The following ADAMTSL1 variants were observed in gnomAD, a reference collection of about 807,000 sequenced individuals.
ADAMTSL1 encodes ADAMTS like 1.
In ADAMTSL1, 126 loss-of-function variants were observed where a neutral mutation model predicts 201.8. The ratio of observed to expected loss-of-function variants is 0.62; its 90% CI spans 0.54 to 0.72. The LOEUF (loss-of-function observed/expected upper bound fraction) is 0.72. Among genes scored for constraint, ADAMTSL1 ranks in the 30% least tolerant of loss-of-function variants. The pLI is 0.00. For missense variants in ADAMTSL1, 2,679 were observed against 2,277.8 expected, an observed-to-expected ratio of 1.18 and a Z score of -3.59; for synonymous variants, 1,121 against 903.4, an observed-to-expected ratio of 1.24 and a Z score of -4.32.
intron 23 of ADAMTSL1, among the ~76,000 whole-genome samples, chr9:18,869,325 C>A (rs1323597360): frequency 6.6e-6 from 1 of 152,214 alleles, no homozygotes; most frequent in African/African-American, 2.4e-5. Context: ...ATTATGGCAA[C>A]CCTAGAAAAC....
intron 23 of ADAMTSL1, among the ~76,000 whole-genome samples, chr9:18,847,536 G>T (rs924757408): frequency 6.6e-6 from 1 of 152,246 alleles, no homozygotes; most frequent in African/African-American, 2.4e-5. Context: ...AGGGAGAGGT[G>T]GTGCCTATGT....
chr9:18,626,901 T>TCC (rs1826415677), intron 5 of ADAMTSL1, among the ~76,000 whole-genome samples: 1 of 150,502 alleles, frequency 6.6e-6, no homozygotes, highest in African/African-American at 2.5e-5. Flanking sequence ...CTTCCTTCCT[T>TCC]TCTTTCTTTT....
intron 1 of ADAMTSL1, among the ~76,000 whole-genome samples, chr9:17,999,996 G>A (rs1426768533): frequency 6.9e-6 from 1 of 145,116 alleles, no homozygotes; most frequent in Non-Finnish European, 1.5e-5. Flanking sequence ...TCTTAATCCA[G>A]TCTATCATTG....
intron 4 of ADAMTSL1, among the ~76,000 whole-genome samples, chr9:18,603,456 C>G (rs1257943980): frequency 6.6e-6 from 1 of 151,968 alleles, no homozygotes; most frequent in Non-Finnish European, 1.5e-5. Context: ...TTGTTGGGTC[C>G]ATATATGTCT....
chr9:18,000,910 T>G (rs1819586431), intron 1 of ADAMTSL1, among the ~76,000 whole-genome samples: 1 of 152,004 alleles, frequency 6.6e-6, no homozygotes, highest in East Asian at 1.9e-4. Context: ...TTTCAAAACT[T>G]CAGTTCCAGG....
At chr9:18,541,376 G>T (rs1768136390) in intron 3 of ADAMTSL1, among the ~76,000 whole-genome samples, 3 of 152,076 alleles carry the variant, frequency 2.0e-5, no homozygotes, top group South Asian at 4.1e-4. Context: ...TTGATGTTGT[G>T]GTGGGCACCT....
chr9:18,473,966 C>T, upstream of ADAMTSL1: 1 of 436,126 alleles, frequency 2.3e-6, no homozygotes, highest in Non-Finnish European at 4.1e-6. Flanking sequence ...CGCACCGTTA[C>T]ACTTTCTCTG....
intron 15 of ADAMTSL1, among the ~76,000 whole-genome samples, chr9:18,724,642 A>G (rs752224989): frequency 4.6e-5 from 7 of 152,166 alleles, no homozygotes; most frequent in Non-Finnish European, 7.3e-5. Context: ...CCTCCTTTCT[A>G]TATTTCTGAC....
intron 2 of ADAMTSL1, among the ~76,000 whole-genome samples, chr9:18,446,119 G>A (rs13297951): frequency 0.02 from 3,032 of 152,172 alleles, 40 homozygotes; most frequent in Non-Finnish European, 0.029. Flanking sequence ...TAGCTCAATT[G>A]TGCGATTACC....
chr9:18,087,937 A>G (rs1401013267), intron 1 of ADAMTSL1, among the ~76,000 whole-genome samples: 1 of 152,240 alleles, frequency 6.6e-6, no homozygotes, highest in East Asian at 1.9e-4. Flanking sequence ...CACACCTGAT[A>G]TCTTTGGGCC....
intron 1 of ADAMTSL1, among the ~76,000 whole-genome samples, chr9:18,104,758 AT>A (rs1350075732): frequency 6.6e-6 from 1 of 152,176 alleles, no homozygotes; most frequent in Non-Finnish European, 1.5e-5. Flanking sequence ...AATAACAATA[AT>A]TTTAAAAGAG....
intron 2 of ADAMTSL1, among the ~76,000 whole-genome samples, chr9:18,203,282 C>T (rs1279796600): frequency 1.3e-5 from 2 of 152,070 alleles, no homozygotes; most frequent in East Asian, 1.9e-4. Context: ...CACCGGCTGA[C>T]GCTTCTGCCC....
chr9:18,161,785 G>A (rs1485117105), intron 1 of ADAMTSL1, among the ~76,000 whole-genome samples: 1 of 151,986 alleles, frequency 6.6e-6, no homozygotes, highest in Non-Finnish European at 1.5e-5. Flanking sequence ...CCTTGATAGG[G>A]GAAGAACTAA....
chr9:18,684,732 G>T lies in ADAMTSL1; in HGVS notation c.1506G>T (p.Glu502Asp), dbSNP rs771228624. The T allele has an allele frequency of 1.2e-6, 2 of 1,613,090 alleles. No individual in the cohort carries two copies. Among genetic ancestry groups the T allele is most frequent in the Non-Finnish European group, 1.7e-6 (2 of 1,179,734 alleles). ...CYKPKEKLPV[E>D]AKLPWFKQAQ... Reference sequence around the variant, plus strand: ...AATTCTCAGAGAAACTTCCAGTCGAGGCCAAGTTGCCATGGTTCAAACAAG... The same window carrying T: ...AATTCTCAGAGAAACTTCCAGTCGATGCCAAGTTGCCATGGTTCAAACAAG... Residue 502 changes from glutamate to aspartate, a missense_variant, in exon 13 of 29, where the codon GAG (glutamate) becomes GAT (aspartate). Physicochemically the swap from Glu to Asp is conservative, Grantham distance 45. Coordinates refer to ENST00000380548, the MANE Select transcript of ADAMTSL1 (RefSeq NM_001040272.6).
At chr9:18,627,492 G>C (rs1826465821) in intron 5 of ADAMTSL1, among the ~76,000 whole-genome samples, 1 of 152,158 alleles carries the variant, frequency 6.6e-6, no homozygotes, top group Non-Finnish European at 1.5e-5. Context: ...AACTGAAATA[G>C]GTTTCACTGG....
At chr9:18,359,251 G>C (rs769619060) in intron 2 of ADAMTSL1, among the ~76,000 whole-genome samples, 21 of 152,006 alleles carry the variant, frequency 1.4e-4, no homozygotes, top group South Asian at 6.2e-4. Context: ...CCCTCTATCG[G>C]GGCCCTTTTG....
chr9:18,424,415 A>G (rs111683842), intron 2 of ADAMTSL1, among the ~76,000 whole-genome samples: 5 of 152,356 alleles, frequency 3.3e-5, no homozygotes, highest in South Asian at 2.1e-4. Context: ...CACTCAGCTC[A>G]GTGGGGCAAC....
intron 1 of ADAMTSL1, among the ~76,000 whole-genome samples, chr9:18,153,997 C>T (rs1265237959): frequency 2.0e-5 from 3 of 151,996 alleles, no homozygotes. Flanking sequence ...AGATTTATAG[C>T]ATCAGACACA....
At chr9:18,426,177 G>GA (rs10719241) in intron 2 of ADAMTSL1, among the ~76,000 whole-genome samples, 2 of 151,910 alleles carry the variant, frequency 1.3e-5, no homozygotes, top group Non-Finnish European at 2.9e-5. Context: ...ACTTGGTTAA[G>GA]AAAAAAATCC....
Sources: gnomAD v4.1 joint callset for allele counts (sites outside exome capture counted in the v4.1 genomes callset) on GRCh38, gnomAD v4.1.1 for gene constraint, MANE v1.5 for transcripts, NCBI Gene and HGNC (gene_info 2026-07-23, HGNC 2026-07-21) for gene names.